PPP1R21: variants seen among roughly 807,000 people sequenced by gnomAD.
PPP1R21 encodes KLRAQ motif containing 1.
PPP1R21 carries 85 observed loss-of-function variants against 112.8 expected under a neutral mutation model. The observed-to-expected ratio is 0.75, with a 90% CI of 0.63 to 0.90. The LOEUF (loss-of-function observed/expected upper bound fraction) is 0.90. Ranked by LOEUF, PPP1R21 falls within the 40% of genes least tolerant of loss-of-function variation. The pLI is 0.00. For synonymous variants in PPP1R21, 381 were observed against 322.3 expected (o/e 1.18, Z -1.95); for missense variants, 1,199 against 901.5 (o/e 1.33, Z -4.23).
intron 12 of PPP1R21, chr2:48,479,671 CTT>C: frequency 3.3e-6 from 2 of 608,676 alleles, no homozygotes; most frequent in Non-Finnish European, 3.0e-6. Flanking sequence ...TCATGACAGA[CTT>C]AATCCTGCTT....
intron 5 of PPP1R21, 43 bp from the exon 6 acceptor site, chr2:48,460,052 C>T (rs867320033): frequency 1.7e-5 from 28 of 1,610,284 alleles, no homozygotes; most frequent in South Asian, 2.2e-5. Context: ...TCCTATCTGT[C>T]GTAGCCTGAG....
At chr2:48,487,667 A>G (rs997149760) in intron 14 of PPP1R21, among the ~76,000 whole-genome samples, 1 of 150,336 alleles carries the variant, frequency 6.7e-6, no homozygotes, top group Non-Finnish European at 1.5e-5. Flanking sequence ...TGGCTGAGGT[A>G]GGAGGATTGC....
chr2:48,507,318 C>G lies in PPP1R21; in HGVS notation c.2018C>G (p.Ala673Gly), dbSNP rs1670427667. Residue 673 changes from alanine to glycine, a missense_variant, in exon 19 of 22, where the codon GCA becomes GGA. Transcript: ENST00000294952. ...REDLIKNHYM[A>G]RIVELTSQLQ... ...GACTTAATTAAAAATCACTACATGG[C>G]AAGGATAGTGGAACTTACGTCTCAG... The G allele has an allele frequency of 6.3e-7, 1 of 1,588,446 alleles. No homozygotes were observed. The highest frequency in any genetic ancestry group is 1.2e-5 in the South Asian group (1 of 86,290).
chr2:48,451,964 C>T (rs1397201744), intron 2 of PPP1R21, among the ~76,000 whole-genome samples: 1 of 152,164 alleles, frequency 6.6e-6, no homozygotes, highest in Non-Finnish European at 1.5e-5. Context: ...AGTGTCTCCT[C>T]CTCAGGTGCT....
chr2:48,487,631 T>A (rs1228554229), intron 14 of PPP1R21, among the ~76,000 whole-genome samples: 1 of 151,406 alleles, frequency 6.6e-6, no homozygotes, highest in Non-Finnish European at 1.5e-5. Context: ...CATGGTGATG[T>A]GCGTCTGTGG....
At chr2:48,485,573 G>T (rs1572872380) in intron 13 of PPP1R21, among the ~76,000 whole-genome samples, 1 of 151,970 alleles carries the variant, frequency 6.6e-6, no homozygotes, top group Admixed American at 6.6e-5. Flanking sequence ...TATTACAAGT[G>T]TATATAAATA....
At chr2:48,477,181 T>A (rs1668797068) in intron 12 of PPP1R21, among the ~76,000 whole-genome samples, 1 of 149,828 alleles carries the variant, frequency 6.7e-6, no homozygotes, top group Admixed American at 6.7e-5. Flanking sequence ...GAGTGCAGTG[T>A]CACACTCTCA....
intron 13 of PPP1R21, among the ~76,000 whole-genome samples, chr2:48,483,419 G>C (rs1490144866): frequency 6.6e-6 from 1 of 152,042 alleles, no homozygotes; most frequent in Admixed American, 6.6e-5. Context: ...CTGACCTCAA[G>C]TGATCCGCCT....
intron 17 of PPP1R21, among the ~76,000 whole-genome samples, chr2:48,502,546 C>T (rs1322894620): frequency 6.6e-6 from 1 of 151,954 alleles, no homozygotes; most frequent in Non-Finnish European, 1.5e-5. Flanking sequence ...TCTTCTTCCT[C>T]TTGGGTGTTG....
At chr2:48,455,867 A>G (rs1422669522) in intron 3 of PPP1R21, among the ~76,000 whole-genome samples, 9 of 152,034 alleles carry the variant, frequency 5.9e-5, no homozygotes, top group Admixed American at 5.2e-4. Flanking sequence ...AGAAAAAATT[A>G]GCTGGGCGTG....
chr2:48,478,612 T>C (rs938382834), intron 12 of PPP1R21, among the ~76,000 whole-genome samples: 1 of 152,208 alleles, frequency 6.6e-6, no homozygotes, highest in Admixed American at 6.5e-5. Flanking sequence ...TTGGGCTCTT[T>C]TACGGGTATA....
At chr2:48,502,663 G>T (rs1469075206) in intron 17 of PPP1R21, among the ~76,000 whole-genome samples, 1 of 148,494 alleles carries the variant, frequency 6.7e-6, no homozygotes, top group Admixed American at 6.7e-5. Flanking sequence ...AGTAACCTCA[G>T]ATAGAAACTT....
At chr2:48,469,261 T>TTGTGTG (rs745866100) in intron 9 of PPP1R21, among the ~76,000 whole-genome samples, 778 of 46,214 alleles carry the variant, frequency 0.017, 40 homozygotes, top group Non-Finnish European at 0.025. Flanking sequence ...TATATTTGAA[T>TTGTGTG]TGTGTGTGTG....
chr2:48,453,091 T>C lies in PPP1R21; in HGVS notation c.127-1504T>C, dbSNP rs564236218. Among the ~76,000 whole-genome samples the C allele has an allele frequency of 5.9e-5, 9 of 152,146 alleles. No homozygotes were observed. In the South Asian group the frequency reaches 1.9e-3, roughly 32 times the overall value. On this transcript the variant is annotated intron_variant, in intron 2 of 21. Coordinates refer to ENST00000294952, the MANE Select transcript of PPP1R21 (RefSeq NM_001135629.3). The stretch of plus-strand genomic sequence containing the variant: ...GCTTCAGCCTCCTGAGTCACTGGGA[T>C]CACAGGCGTGCACCACCCTGCCTGG...
intron 12 of PPP1R21, among the ~76,000 whole-genome samples, chr2:48,475,555 A>G (rs1668713448): frequency 6.6e-6 from 1 of 152,008 alleles, no homozygotes; most frequent in East Asian, 1.9e-4. Flanking sequence ...CTTCAAAAAA[A>G]GTATTTTCAG....
At chr2:48,463,199 C>G (rs1461588979) in intron 7 of PPP1R21, among the ~76,000 whole-genome samples, 1 of 151,970 alleles carries the variant, frequency 6.6e-6, no homozygotes, top group Non-Finnish European at 1.5e-5. Context: ...GTGGTGGGTG[C>G]ACAGTGCAGT....
At chr2:48,486,806 C>CT (rs766377402) in intron 14 of PPP1R21, 48 bp downstream of exon 14, 7 of 1,565,078 alleles carry the variant, frequency 4.5e-6, no homozygotes, top group Admixed American at 1.9e-5. Context: ...TAAATATGTG[C>CT]TTTTTTTCTG....
intron 17 of PPP1R21, among the ~76,000 whole-genome samples, chr2:48,504,016 T>A (rs1670256919): frequency 6.6e-6 from 1 of 151,890 alleles, no homozygotes; most frequent in African/African-American, 2.4e-5. Flanking sequence ...GACTTGGTGC[T>A]GTACCCATTT....
At chr2:48,452,481 A>G (rs1239793115) in intron 2 of PPP1R21, among the ~76,000 whole-genome samples, 1 of 151,714 alleles carries the variant, frequency 6.6e-6, no homozygotes, top group Non-Finnish European at 1.5e-5. Context: ...GAGTTGGAGC[A>G]TTAGTTTATT....
Sources: allele counts gnomAD v4.1 joint callset (sites outside exome capture counted in the v4.1 genomes callset), GRCh38; gene constraint gnomAD v4.1.1; transcripts MANE v1.5; gene names NCBI Gene and HGNC (gene_info 2026-07-23, HGNC 2026-07-21).